Variants in PDK1 observed in about 807,000 individuals in gnomAD.
PDK1 encodes [Pyruvate dehydrogenase (acetyl-transferring)] kinase isozyme 1, mitochondrial.
A neutral mutation model predicts 54.2 loss-of-function variants in PDK1; 39 were observed. That is an observed-to-expected ratio of 0.72 (90% CI 0.56 to 0.94). The LOEUF is 0.94. PDK1 is among the 40% of genes least tolerant of loss of function. The probability of loss-of-function intolerance (pLI) is 0.00; values close to 1 mark genes in which losing one functional copy is unlikely to be tolerated. For synonymous variants in PDK1, 221 were observed against 207.1 expected, an observed-to-expected ratio of 1.07 and a Z score of -0.58; for missense variants, 552 against 566.0, an observed-to-expected ratio of 0.98 and a Z score of 0.25.
At chr2:172,614,190 C>T in the PDK1 span, among the ~76,000 whole-genome samples, 2 of 151,994 alleles carry the variant, frequency 1.3e-5, no homozygotes, top group South Asian at 2.1e-4. Flanking sequence ...CCCCAACCCC[C>T]ATCCCTGCAG....
the PDK1 span, among the ~76,000 whole-genome samples, chr2:172,661,035 A>G: frequency 6.6e-6 from 1 of 152,206 alleles, no homozygotes; most frequent in African/African-American, 2.4e-5. Flanking sequence ...GGGGGTTGGT[A>G]TGGGTGTGAT....
chr2:172,706,258 T>C, the PDK1 span, among the ~76,000 whole-genome samples: 6 of 152,186 alleles, frequency 3.9e-5, no homozygotes, highest in African/African-American at 1.4e-4. Flanking sequence ...TAAAACCTTT[T>C]AGGATTGCCT....
At chr2:172,633,867 A>ATTTTTTTTTTTTTTT in the PDK1 span, among the ~76,000 whole-genome samples, 1 of 68,834 alleles carries the variant, frequency 1.5e-5, no homozygotes, top group Non-Finnish European at 2.4e-5. Flanking sequence ...TTAGTCTATG[A>ATTTTTTTTTTTTTTT]TTTTTTTTTT....
At chr2:172,612,292 A>G (rs954386613), downstream of PDK1, among the ~76,000 whole-genome samples, 7 of 152,246 alleles carry the variant, frequency 4.6e-5, no homozygotes, top group African/African-American at 1.7e-4. Flanking sequence ...GAAACTCTTA[A>G]GAGCAATTAA....
chr2:172,664,675 T>G, the PDK1 span, among the ~76,000 whole-genome samples: 34 of 151,384 alleles, frequency 2.2e-4, no homozygotes, highest in Non-Finnish European at 4.7e-4. Flanking sequence ...TTATTATTAT[T>G]ATTACTGGCC....
chr2:172,717,813 A>G, the PDK1 span, among the ~76,000 whole-genome samples: 1 of 152,128 alleles, frequency 6.6e-6, no homozygotes, highest in African/African-American at 2.4e-5. Flanking sequence ...GAGCTATGTG[A>G]GGGGCTTTTT....
chr2:172,664,311 CAAAAAAA>C, the PDK1 span, among the ~76,000 whole-genome samples: 9 of 44,182 alleles, frequency 2.0e-4, 1 homozygote, highest in East Asian at 1.6e-3. Context: ...AACTCTGCCT[CAAAAAAA>C]AAAAAAAAAA....
rs36031428 is a variant in PDK1, at chr2:172,571,823, C to CTTT, written c.945+1023_945+1025dup. ...CTCAGAGATTCTTAGTCTTTCTTTA[C>CTTT]TTTTTTTTTTTTTTTTTTTTTTTTT... On this transcript the variant is annotated intron_variant, in intron 8 of 10. Coordinates refer to ENST00000282077, the MANE Select transcript of PDK1 (RefSeq NM_002610.5). Among the ~76,000 whole-genome samples, 79 of 99,792 alleles carry CTTT rather than the reference C, an allele frequency of 7.9e-4. 2 individuals carry two copies. Among genetic ancestry groups the CTTT allele is most frequent in the Non-Finnish European group, 1.2e-3 (58 of 49,108 alleles). The allele number at this position is 99,792 out of a possible 152,430, so 65.5% of individuals were successfully genotyped here.
At chr2:172,686,705 G>A in the PDK1 span, among the ~76,000 whole-genome samples, 20 of 152,282 alleles carry the variant, frequency 1.3e-4, no homozygotes, top group South Asian at 3.7e-3. Flanking sequence ...AATCAGCTGT[G>A]CCACCTTTAA....
chr2:172,622,924 T>C, the PDK1 span, among the ~76,000 whole-genome samples: 5 of 148,632 alleles, frequency 3.4e-5, no homozygotes, highest in African/African-American at 1.2e-4. Flanking sequence ...TTATATATAG[T>C]AGGAGATATA....
chr2:172,673,668 C>T, the PDK1 span, among the ~76,000 whole-genome samples: 8 of 152,116 alleles, frequency 5.3e-5, no homozygotes, highest in African/African-American at 1.7e-4. Context: ...CCATAAAACC[C>T]ATCAGTTTAA....
chr2:172,593,040 T>C lies in PDK1; in HGVS notation c.1162T>C (p.Tyr388His). The change falls in exon 10 of 11, where the codon TAC (tyrosine) becomes CAC (histidine). Residue 388 changes from tyrosine (Y) to histidine (H), a missense_variant. Tyr to His is a moderately conservative substitution (Grantham distance 83). Transcript: ENST00000282077. ...GGGTTACGGGACAGATGCAGTTATC[T>C]ACATTAAGGTAATAGCTGTAGTCTT... ...LEGYGTDAVI[Y>H]IKALSTDSIE... 6.8e-7 allele frequency: 1 copy of C among 1,478,414 alleles called. No individual in the cohort carries two copies. Among genetic ancestry groups the C allele is most frequent in the Non-Finnish European group, 9.5e-7 (1 of 1,056,994 alleles). The allele number at this position is 1,478,414 out of a possible 1,614,324, so 91.6% of individuals were successfully genotyped here. A position where few individuals can be genotyped will look rare whatever the true frequency, so the allele number is the denominator to read the frequency against.
At chr2:172,703,027 C>G in the PDK1 span, among the ~76,000 whole-genome samples, 4 of 152,054 alleles carry the variant, frequency 2.6e-5, no homozygotes, top group African/African-American at 4.8e-5. Flanking sequence ...AATCAAGGAG[C>G]CTGAGATGGG....
the PDK1 span, among the ~76,000 whole-genome samples, chr2:172,720,717 GGTTTTGTTTT>G: frequency 2.0e-5 from 3 of 152,222 alleles, no homozygotes; most frequent in East Asian, 5.8e-4. Flanking sequence ...ATAATGACAA[GGTTTTGTTTT>G]GTTTTGTTTT....
Position 172,600,709 on chromosome 2 carries a change from G to A in PDK1, c.*4740G>A, listed in dbSNP as rs1691084460. 2 of 152,388 alleles carry A rather than the reference G, an allele frequency of 1.3e-5. No homozygotes were observed. The highest frequency in any genetic ancestry group is 2.1e-4 in the South Asian group (1 of 4,820). 9.4% of individuals were successfully genotyped at this position (152,388 alleles called of 1,614,324 possible). A position where few individuals can be genotyped will look rare whatever the true frequency, so the allele number is the denominator to read the frequency against. On this transcript the variant is annotated 3_prime_UTR_variant, in exon 11 of 11. Coordinates refer to ENST00000282077, the MANE Select transcript of PDK1 (RefSeq NM_002610.5). The stretch of plus-strand genomic sequence containing the variant: ...TAGTGAGGAGGGGGCTCATGAGGAG[G>A]GGATATCTTATCCTCCTAGGGTCCG...
chr2:172,614,951 T>A, the PDK1 span, among the ~76,000 whole-genome samples: 3 of 152,240 alleles, frequency 2.0e-5, no homozygotes, highest in East Asian at 3.8e-4. Context: ...TCATGACATA[T>A]CTGTTAAGTA....
chr2:172,579,104 A>G (rs180892668), intron 8 of PDK1, among the ~76,000 whole-genome samples: 1 of 152,278 alleles, frequency 6.6e-6, no homozygotes, highest in Non-Finnish European at 1.5e-5. Context: ...CAAAGCCCCT[A>G]TGGCTATCTC....
At chr2:172,618,618 T>C in the PDK1 span, among the ~76,000 whole-genome samples, 1 of 152,230 alleles carries the variant, frequency 6.6e-6, no homozygotes, top group East Asian at 1.9e-4. Context: ...TGGAGCAGAA[T>C]TATGAAATCG....
At chr2:172,717,694 C>T in the PDK1 span, among the ~76,000 whole-genome samples, 2 of 152,130 alleles carry the variant, frequency 1.3e-5, no homozygotes, top group Non-Finnish European at 2.9e-5. Flanking sequence ...TATTCCAAGC[C>T]TATTAGTATT....
Sources: gnomAD v4.1 joint callset for allele counts (sites outside exome capture counted in the v4.1 genomes callset) on GRCh38, gnomAD v4.1.1 for gene constraint, MANE v1.5 for transcripts, NCBI Gene and HGNC (gene_info 2026-07-23, HGNC 2026-07-21) for gene names.